WDR25: variants seen among roughly 807,000 people sequenced by gnomAD.
WDR25 encodes the protein WD repeat domain 25, also known as WD repeat-containing protein 25.
In WDR25, 35 loss-of-function variants were observed where a neutral mutation model predicts 47.7. That is an observed-to-expected ratio of 0.73 (90% CI 0.56 to 0.97). The LOEUF (loss-of-function observed/expected upper bound fraction) is 0.97, where lower values mean the gene tolerates loss of function less well. WDR25 is among the 50% of genes least tolerant of loss of function. The pLI is 0.00. For synonymous variants in WDR25, 248 were observed against 278.9 expected, an observed-to-expected ratio of 0.89 and a Z score of 1.10; for missense variants, 634 against 704.7, an observed-to-expected ratio of 0.90 and a Z score of 1.14.
At position 100,525,479 on chromosome 14, in the gene WDR25, ATG is replaced by A. The variant is rs1254551814; in HGVS notation, c.1102-388_1102-387del. Among the ~76,000 whole-genome samples the A allele has an allele frequency of 2.0e-5, 3 of 152,156 alleles. No homozygotes were observed. The highest frequency in any genetic ancestry group is 4.4e-5 in the Non-Finnish European group (3 of 68,014). ...TCTGGGACTTTGCAAGCTGTGAATT[ATG>A]TGACGTCTTCAGAAGCAGGACCCAC... On this transcript the variant is annotated intron_variant, in intron 4 of 6. Transcript: ENST00000402312. The surrounding 1 kb of genome is among the most constrained non-coding windows in gnomAD (Gnocchi z 4.6).
At chr14:100,457,533 T>G (rs1208179519) in intron 2 of WDR25, among the ~76,000 whole-genome samples, 1 of 152,222 alleles carries the variant, frequency 6.6e-6, no homozygotes, top group Non-Finnish European at 1.5e-5. Flanking sequence ...GATTTCGCCG[T>G]CAGCAAACTT....
intron 2 of WDR25, among the ~76,000 whole-genome samples, chr14:100,445,221 A>G (rs969879057): frequency 6.6e-6 from 1 of 152,230 alleles, no homozygotes; most frequent in African/African-American, 2.4e-5. Flanking sequence ...AGTCTGGATG[A>G]ATTTAAGATT....
chr14:100,500,068 T>C lies in WDR25; in HGVS notation c.1101+15944T>C, dbSNP rs555702321. Among the ~76,000 whole-genome samples the C allele has an allele frequency of 6.6e-6, 1 of 152,198 alleles. No homozygotes were observed. The highest frequency in any genetic ancestry group is 2.1e-4 in the South Asian group (1 of 4,816). ...ACCCAGAGGTTCCCTGGGACCTGGT[T>C]GCTGTCTTCCTAGAGGTGCCACAAC... On this transcript the variant is annotated intron_variant, in intron 4 of 6. Coordinates refer to ENST00000402312, the MANE Select transcript of WDR25 (RefSeq NM_001161476.3). This position sits in a 1 kb window ranked among gnomAD's most constrained non-coding sequence, Gnocchi z 4.7.
intron 2 of WDR25, among the ~76,000 whole-genome samples, chr14:100,415,879 G>C (rs890859824): frequency 6.6e-6 from 1 of 152,220 alleles, no homozygotes; most frequent in Non-Finnish European, 1.5e-5. Context: ...GCAGAGTACT[G>C]TCTCAAAGCC....
chr14:100,405,588 G>A (rs1417322702), intron 2 of WDR25, among the ~76,000 whole-genome samples: 2 of 152,178 alleles, frequency 1.3e-5, no homozygotes. Context: ...TCTCATTTTG[G>A]GCTGCACTCT....
chr14:100,475,867 C>T (rs1012145061), intron 3 of WDR25, among the ~76,000 whole-genome samples: 3 of 150,806 alleles, frequency 2.0e-5, no homozygotes, highest in African/African-American at 7.4e-5. Flanking sequence ...CAGATCAAAA[C>T]ATCACATTGT....
In WDR25 at chr14:100,529,223, G is replaced by A; in HGVS notation, c.1413+15G>A. On this transcript the variant is annotated intron_variant, in intron 6 of 6. Coordinates refer to ENST00000402312, the MANE Select transcript of WDR25 (RefSeq NM_001161476.3). The surrounding 1 kb of genome is among the most constrained non-coding windows in gnomAD (Gnocchi z 5.1). ...AAGGGCACAAGGTACTTCTGTCCTT[G>A]TCCCCCAGGCGAATGCTGAGCCCCA... 6.2e-7 allele frequency: 1 copy of A among 1,612,762 alleles called. No individual in the cohort carries two copies. Among genetic ancestry groups the A allele is most frequent in the Non-Finnish European group, 8.5e-7 (1 of 1,179,660 alleles).
intron 4 of WDR25, among the ~76,000 whole-genome samples, chr14:100,521,049 C>A (rs2029871117): frequency 6.6e-6 from 1 of 151,944 alleles, no homozygotes; most frequent in South Asian, 2.1e-4. Flanking sequence ...TATATGAGTC[C>A]AGAGAAAGGA....
chr14:100,512,291 T>G (rs1901336569), intron 4 of WDR25, among the ~76,000 whole-genome samples: 1 of 152,214 alleles, frequency 6.6e-6, no homozygotes, highest in South Asian at 2.1e-4. Flanking sequence ...TATAGGGCTA[T>G]TCTGATTTTC....
chr14:100,396,676 C>T (rs1280658554), intron 2 of WDR25, among the ~76,000 whole-genome samples: 1 of 152,190 alleles, frequency 6.6e-6, no homozygotes, highest in Middle Eastern at 3.2e-3. Flanking sequence ...CTCAGCTGCC[C>T]AGGGAGGAGA....
intron 2 of WDR25, among the ~76,000 whole-genome samples, chr14:100,450,461 A>G (rs1898990918): frequency 6.6e-6 from 1 of 152,162 alleles, no homozygotes; most frequent in African/African-American, 2.4e-5. Flanking sequence ...TTTCTCTTCC[A>G]CTAGACTCTC....
intron 2 of WDR25, 113 bp from the exon 3 acceptor site, chr14:100,467,908 A>G: frequency 1.5e-6 from 2 of 1,345,078 alleles, no homozygotes; most frequent in Non-Finnish European, 2.0e-6. Context: ...TGATGGTAAA[A>G]TAATGAGAAT....
chr14:100,480,815 G>A (rs1366351778), intron 3 of WDR25: 1 of 221,408 alleles, frequency 4.5e-6, no homozygotes, highest in Non-Finnish European at 9.1e-6. Context: ...AGGGAAATGG[G>A]GCTTTACTAG....
intron 2 of WDR25, among the ~76,000 whole-genome samples, chr14:100,419,358 A>T (rs1182498285): frequency 6.6e-6 from 1 of 151,542 alleles, no homozygotes; most frequent in East Asian, 1.9e-4. Flanking sequence ...TTTCTCGGGG[A>T]GTGTTCAGAT....
In WDR25 at chr14:100,506,328, A is replaced by C. The variant is rs1203698197; in HGVS notation, c.1102-19542A>C. Reference sequence around the variant, plus strand: ...TTCAATCTACTGTTGATGGGCACCTAGATTGATTCCATGTCTTTGCTATTG... The same window carrying C: ...TTCAATCTACTGTTGATGGGCACCTCGATTGATTCCATGTCTTTGCTATTG... On this transcript the variant is annotated intron_variant, in intron 4 of 6. Transcript: ENST00000402312. The surrounding 1 kb of genome is among the most constrained non-coding windows in gnomAD (Gnocchi z 4.8). Among the ~76,000 whole-genome samples the C allele has an allele frequency of 6.6e-6, 1 of 152,186 alleles. No homozygotes were observed. Among genetic ancestry groups the C allele is most frequent in the Non-Finnish European group, 1.5e-5 (1 of 68,030 alleles).
Position 100,381,221 on chromosome 14 carries a change from C to T in WDR25, c.297C>T (p.Pro99=), listed in dbSNP as rs141600206. The T allele has an allele frequency of 6.5e-5, 105 of 1,613,932 alleles. No individual in the cohort carries two copies. The highest frequency in any genetic ancestry group is 2.3e-4 in the African/African-American group (17 of 74,948). ...GSCPSQRLQW[P]GKEPQVTFPI... Reference sequence around the variant, plus strand: ...GCCCCAGCCAGAGGCTACAGTGGCCCGGGAAGGAGCCTCAAGTCACCTTCC... The same window carrying T: ...GCCCCAGCCAGAGGCTACAGTGGCCTGGGAAGGAGCCTCAAGTCACCTTCC... The change falls in exon 2 of 7, where the codon CCC becomes CCT. Residue 99 remains proline, a synonymous_variant. Coordinates refer to ENST00000402312, the MANE Select transcript of WDR25 (RefSeq NM_001161476.3).
intron 4 of WDR25, among the ~76,000 whole-genome samples, chr14:100,497,113 T>A (rs996234097): frequency 2.0e-5 from 3 of 152,246 alleles, no homozygotes; most frequent in Admixed American, 2.0e-4. Context: ...ATACTTTGTA[T>A]TTCAGTTCTT....
chr14:100,435,902 T>C (rs899487699), intron 2 of WDR25, among the ~76,000 whole-genome samples: 8 of 152,036 alleles, frequency 5.3e-5, no homozygotes, highest in Non-Finnish European at 1.2e-4. Context: ...CGCCTAAGTG[T>C]GTATGAGAGT....
At position 100,449,853 on chromosome 14, in the gene WDR25, G is replaced by A. The variant is rs553997632; in HGVS notation, c.823-18168G>A. Among the ~76,000 whole-genome samples, 1 of 152,314 alleles carries A rather than the reference G, an allele frequency of 6.6e-6. No individual in the cohort carries two copies. The highest frequency in any genetic ancestry group is 1.9e-4 in the East Asian group (1 of 5,174). On this transcript the variant is annotated intron_variant, in intron 2 of 6. Transcript: ENST00000402312. The surrounding 1 kb of genome is among the most constrained non-coding windows in gnomAD (Gnocchi z 4.2). ...TGCCTCTGCTATGGTGTGATCAGAA[G>A]GGGGCTGTCTCCTGCTGTTACGCCA...
Sources: gnomAD v4.1 joint callset for allele counts (sites outside exome capture counted in the v4.1 genomes callset) on GRCh38, gnomAD v4.1.1 for gene constraint, Gnocchi (gnomAD v3.1) non-coding constraint, MANE v1.5 for transcripts, NCBI Gene and HGNC (gene_info 2026-07-23, HGNC 2026-07-21) for gene names.